Variants in PTPRD observed in about 807,000 individuals in gnomAD.
The protein encoded by PTPRD is protein tyrosine phosphatase receptor type D.
In PTPRD, 34 loss-of-function variants were observed where a neutral mutation model predicts 214.5. That is an observed-to-expected ratio of 0.16 (90% confidence interval 0.12 to 0.21). The LOEUF is 0.21. Among genes scored for constraint, PTPRD ranks in the 10% least tolerant of loss-of-function variants. The pLI is 1.00. For synonymous variants in PTPRD, 1,128 were observed against 845.7 expected (o/e 1.33, Z -5.79); for missense variants, 2,545 against 2,398.7 (o/e 1.06, Z -1.27).
At chr9:9,024,509 T>G (rs1225082559) in intron 10 of PTPRD, among the ~76,000 whole-genome samples, 1 of 151,684 alleles carries the variant, frequency 6.6e-6, no homozygotes, top group Non-Finnish European at 1.5e-5. Flanking sequence ...CAAATTATAC[T>G]CCAAAAAGGT....
chr9:9,115,379 T>C (rs2099811414), intron 10 of PTPRD, among the ~76,000 whole-genome samples: 1 of 151,834 alleles, frequency 6.6e-6, no homozygotes, highest in African/African-American at 2.4e-5. Flanking sequence ...TAGGAAAAAA[T>C]GTTCACCATC....
At chr9:10,415,015 T>C (rs2098473642) in intron 2 of PTPRD, among the ~76,000 whole-genome samples, 1 of 151,746 alleles carries the variant, frequency 6.6e-6, no homozygotes, top group African/African-American at 2.4e-5. Flanking sequence ...GGTGATGAAG[T>C]AATCTGTACA....
At chr9:10,489,694 T>C (rs2099154861) in intron 2 of PTPRD, among the ~76,000 whole-genome samples, 1 of 152,166 alleles carries the variant, frequency 6.6e-6, no homozygotes, top group African/African-American at 2.4e-5. Context: ...GGATCAGCAA[T>C]TTCCCTCTGG....
chr9:8,421,230 G>T (rs544617609), intron 35 of PTPRD, among the ~76,000 whole-genome samples: 1 of 152,166 alleles, frequency 6.6e-6, no homozygotes, highest in Admixed American at 6.6e-5. Context: ...TCTCTCTTTT[G>T]CAGGAGATGC....
intron 9 of PTPRD, among the ~76,000 whole-genome samples, chr9:9,318,677 A>G (rs1964744323): frequency 6.6e-6 from 1 of 152,146 alleles, no homozygotes; most frequent in Admixed American, 6.6e-5. Context: ...AAGTATCTCA[A>G]TTTCTAATTA....
At chr9:9,658,089 T>G (rs2096555380) in intron 7 of PTPRD, among the ~76,000 whole-genome samples, 1 of 152,196 alleles carries the variant, frequency 6.6e-6, no homozygotes, top group Non-Finnish European at 1.5e-5. Context: ...TTCTATGTAT[T>G]ACAGGTGCTG....
At chr9:9,549,467 T>C (rs1286529901) in intron 8 of PTPRD, among the ~76,000 whole-genome samples, 1 of 152,036 alleles carries the variant, frequency 6.6e-6, no homozygotes, top group Admixed American at 6.6e-5. Flanking sequence ...ACTGAAACCA[T>C]CATAAGATGC....
intron 3 of PTPRD, among the ~76,000 whole-genome samples, chr9:10,117,564 A>G (rs4741011): frequency 0.062 from 9,187 of 148,912 alleles, 353 homozygotes; most frequent in Admixed American, 0.1. Context: ...ACTTCAATCT[A>G]CCTCCTTCTT....
chr9:8,443,269 G>T (rs560938354), intron 34 of PTPRD, among the ~76,000 whole-genome samples: 2 of 152,270 alleles, frequency 1.3e-5, no homozygotes, highest in Admixed American at 6.5e-5. Flanking sequence ...GACACATCCG[G>T]TATTCTTAAC....
In PTPRD at chr9:10,295,436, G is replaced by A. The variant is rs543974109; in HGVS notation, c.-545+45527C>T. 4.6e-5 allele frequency among the ~76,000 whole-genome samples: 7 copies of A among 152,166 alleles called. No homozygotes were observed. The East Asian group carries it at 1.2e-3, about 25-fold the overall frequency. On this transcript the variant is annotated intron_variant, in intron 3 of 45. Transcript: ENST00000381196. ...TACCATCATTGTTAGAGAAGTAGTT[G>A]TTCAAGTATTTGTGATAAGCCAAAA...
chr9:9,566,607 A>G (rs540769702), intron 8 of PTPRD, among the ~76,000 whole-genome samples: 1 of 152,150 alleles, frequency 6.6e-6, no homozygotes, highest in East Asian at 1.9e-4. Context: ...TGTATTTAAC[A>G]TAATTTAAAA....
chr9:8,576,594 T>C (rs992924262), intron 14 of PTPRD, among the ~76,000 whole-genome samples: 1 of 147,734 alleles, frequency 6.8e-6, no homozygotes, highest in South Asian at 2.1e-4. Flanking sequence ...ATATAGATAT[T>C]TAATCTTGTC....
intron 32 of PTPRD, among the ~76,000 whole-genome samples, chr9:8,462,910 T>C (rs569171979): frequency 2.0e-5 from 3 of 152,016 alleles, no homozygotes; most frequent in Admixed American, 2.0e-4. Context: ...ATATATTATT[T>C]GTGTTTATAT....
rs765559453 is a variant in PTPRD at position 8,486,171 on chromosome 9, A to C, written c.2646T>G (p.Ala882=). Residue 882 remains alanine, a synonymous_variant, in exon 28 of 46, where the codon GCT becomes GCG. Coordinates refer to ENST00000381196, the MANE Select transcript of PTPRD (RefSeq NM_002839.4). ...ATGATGCTCCCTTGTGGATGTCTGTAGCTGTAAAGTGATCTTCTTTTTCAG... is the reference window on the plus strand; with the variant it reads ...ATGATGCTCCCTTGTGGATGTCTGTCGCTGTAAAGTGATCTTCTTTTTCAG... ...EFSEKEDHFT[A]TDIHKGASYV... The C allele has an allele frequency of 6.2e-7, 1 of 1,614,176 alleles. No homozygotes were observed. Among genetic ancestry groups the C allele is most frequent in the South Asian group, 1.1e-5 (1 of 91,088 alleles).
In PTPRD at chr9:9,753,234, G is replaced by T. The variant is rs529438112; in HGVS notation, c.-326+13576C>A. Among the ~76,000 whole-genome samples, 14 of 152,026 alleles carry T rather than the reference G, an allele frequency of 9.2e-5. 1 individual carries two copies. The South Asian group carries it at 2.9e-3, about 32-fold the overall frequency. ...CCCAGTACAGAATCTATTCCAGAAA[G>T]AATCATTCAGTTTCATTTTGTAGCT... On this transcript the variant is annotated intron_variant, in intron 6 of 45. Coordinates refer to ENST00000381196, the MANE Select transcript of PTPRD (RefSeq NM_002839.4).
chr9:9,191,923 T>C (rs2099935445), intron 9 of PTPRD, among the ~76,000 whole-genome samples: 1 of 152,104 alleles, frequency 6.6e-6, no homozygotes, highest in South Asian at 2.1e-4. Flanking sequence ...AAATTTGATT[T>C]GCCCATTAAG....
chr9:9,327,390 C>A (rs1009586552), intron 9 of PTPRD, among the ~76,000 whole-genome samples: 1 of 152,080 alleles, frequency 6.6e-6, no homozygotes, highest in African/African-American at 2.4e-5. Context: ...GTTATTTGAC[C>A]TTTGTTCCAG....
At chr9:8,419,394 CAG>C (rs2094193952) in intron 35 of PTPRD, among the ~76,000 whole-genome samples, 1 of 151,960 alleles carries the variant, frequency 6.6e-6, no homozygotes, top group South Asian at 2.1e-4. Flanking sequence ...AGTCTTTACA[CAG>C]AGTGAGTCTT....
At chr9:10,204,142 G>A (rs2099452227) in intron 3 of PTPRD, among the ~76,000 whole-genome samples, 1 of 151,956 alleles carries the variant, frequency 6.6e-6, no homozygotes, top group African/African-American at 2.4e-5. Flanking sequence ...AATTTTGAAG[G>A]CATTGACCTC....
Sources: gnomAD v4.1 joint callset for allele counts (sites outside exome capture counted in the v4.1 genomes callset) on GRCh38, gnomAD v4.1.1 for gene constraint, MANE v1.5 for transcripts, NCBI Gene and HGNC (gene_info 2026-07-23, HGNC 2026-07-21) for gene names.